The following ERICH5 variants were observed in gnomAD, a reference collection of about 807,000 sequenced individuals.
ERICH5 encodes the protein glutamate rich 5, also known as glutamate-rich protein 5.
Under a neutral mutation model 28.0 loss-of-function variants are expected in ERICH5, and 24 were observed. The ratio of observed to expected loss-of-function variants is 0.86; its 90% CI spans 0.62 to 1.21. The LOEUF (loss-of-function observed/expected upper bound fraction) is 1.21. ERICH5 is among the 50% of genes most tolerant of loss of function. ERICH5 has a pLI of 0.00. For missense variants in ERICH5, 421 were observed against 441.2 expected (o/e 0.95, Z 0.41); for synonymous variants, 163 against 157.6 (o/e 1.03, Z -0.25).
At chr8:98,091,900 C>CTTTCTTTCTTTCTTTCCTTT in intron 2 of ERICH5, among the ~76,000 whole-genome samples, 72 of 74,688 alleles carry the variant, frequency 9.6e-4, no homozygotes, top group Non-Finnish European at 1.5e-3. Context: ...TTCTTTCTTT[C>CTTTCTTTCTTTCTTTCCTTT]CTTTCTTTCT....
chr8:98,085,663 T>C (rs2130528999), intron 1 of ERICH5, among the ~76,000 whole-genome samples: 1 of 152,292 alleles, frequency 6.6e-6, no homozygotes, highest in East Asian at 1.9e-4. Flanking sequence ...TTAAAAAAAG[T>C]CCTGCTAGAA....
chr8:98,090,320 T>C (rs1261129867), intron 2 of ERICH5, among the ~76,000 whole-genome samples: 3 of 152,226 alleles, frequency 2.0e-5, no homozygotes, highest in Non-Finnish European at 2.9e-5. Context: ...TTTTTCCAAG[T>C]TGACACTTCA....
At chr8:98,074,844 T>C (rs552058012) in intron 1 of ERICH5, among the ~76,000 whole-genome samples, 1 of 152,294 alleles carries the variant, frequency 6.6e-6, no homozygotes, top group Admixed American at 6.5e-5. Context: ...CTAAAGTCCA[T>C]GCTTTAGTCA....
Position 98,071,745 on chromosome 8 carries a change from G to T in ERICH5, c.58+7018G>T, listed in dbSNP as rs929987860. On this transcript the variant is annotated intron_variant, in intron 1 of 2. Coordinates refer to ENST00000318528, the MANE Select transcript of ERICH5 (RefSeq NM_173549.3). ...CAGAAGCTTCTTCACCCATCTCAGG[G>T]CTATTGCTGTTTTTCACAGTCCTTG... Among the ~76,000 whole-genome samples the T allele has an allele frequency of 5.5e-4, 83 of 152,064 alleles. 1 individual carries two copies. Among genetic ancestry groups the T allele is most frequent in the Middle Eastern group, 3.4e-3 (1 of 294 alleles).
intron 2 of ERICH5, among the ~76,000 whole-genome samples, chr8:98,091,958 T>C (rs1483207356): frequency 1.3e-4 from 9 of 69,560 alleles, no homozygotes; most frequent in African/African-American, 3.9e-4. Flanking sequence ...TCTTCTTTCT[T>C]TCTTTTTTCT....
At chr8:98,083,164 G>A (rs1330659060) in intron 1 of ERICH5, among the ~76,000 whole-genome samples, 1 of 152,084 alleles carries the variant, frequency 6.6e-6, no homozygotes, top group Non-Finnish European at 1.5e-5. Context: ...CTCATGATTG[G>A]CACAGGTGGA....
intron 1 of ERICH5, among the ~76,000 whole-genome samples, chr8:98,079,790 T>G (rs1482104531): frequency 2.0e-5 from 3 of 152,220 alleles, no homozygotes; most frequent in African/African-American, 7.2e-5. Context: ...TCCACCTGCC[T>G]TAGCCTCCCA....
chr8:98,079,007 A>T (rs1815115087), intron 1 of ERICH5, among the ~76,000 whole-genome samples: 1 of 152,132 alleles, frequency 6.6e-6, no homozygotes. Context: ...TATGGTGAGG[A>T]TTCACAAAAT....
intron 1 of ERICH5, among the ~76,000 whole-genome samples, chr8:98,068,593 G>A (rs1814858333): frequency 6.6e-6 from 1 of 152,148 alleles, no homozygotes; most frequent in African/African-American, 2.4e-5. Flanking sequence ...TGAACACAAA[G>A]GTTTTATTGA....
Position 98,089,466 on chromosome 8 carries a change from A to G in ERICH5, c.449A>G (p.Gln150Arg). 1 of 1,614,240 alleles carries G rather than the reference A, an allele frequency of 6.2e-7. No homozygotes were observed. Among genetic ancestry groups the G allele is most frequent in the Non-Finnish European group, 8.5e-7 (1 of 1,180,032 alleles). The change falls in exon 2 of 3, where the codon CAG becomes CGG. Residue 150 changes from glutamine (Q) to arginine (R), a missense_variant. Transcript: ENST00000318528. ...TCTCTAAAAGGAAATGCTGAAGCTC[A>G]GCCTTTAGGACCAGAAGCCAAGGGT... ...AESLKGNAEA[Q>R]PLGPEAKGQP...
chr8:98,071,091 C>T (rs986220266), intron 1 of ERICH5, among the ~76,000 whole-genome samples: 3 of 152,050 alleles, frequency 2.0e-5, no homozygotes, highest in Admixed American at 2.0e-4. Context: ...TGGTGAAACC[C>T]CGTCTCTACT....
At chr8:98,085,136 CTTTTTTTTTTTTTTTTTTTTTTTTTTT>C (rs760470751) in intron 1 of ERICH5, among the ~76,000 whole-genome samples, 14 of 57,318 alleles carry the variant, frequency 2.4e-4, no homozygotes, top group East Asian at 5.6e-4. Flanking sequence ...GTTCCACAGC[CTTTTTTTTTTTTTTTTTTTTTTTTTTT>C]TTTTTTTTTT....
intron 2 of ERICH5, among the ~76,000 whole-genome samples, chr8:98,090,599 A>AG (rs1192186264): frequency 6.7e-6 from 1 of 150,060 alleles, no homozygotes; most frequent in Admixed American, 6.6e-5. Flanking sequence ...CTTGTTCTCC[A>AG]GAAAAAAAAA....
chr8:98,091,834 CTTTTTCTTTCTT>C (rs1563759366), intron 2 of ERICH5, among the ~76,000 whole-genome samples: 30 of 134,784 alleles, frequency 2.2e-4, no homozygotes, highest in Non-Finnish European at 2.3e-4. Context: ...CTTTCTTTTT[CTTTTTCTTTCTT>C]TCTTTCTTTC....
At chr8:98,073,486 G>GTA (rs1474561796) in intron 1 of ERICH5, among the ~76,000 whole-genome samples, 10 of 3,948 alleles carry the variant, frequency 2.5e-3, no homozygotes, top group Non-Finnish European at 3.1e-3. Context: ...ATATATATAT[G>GTA]TATATATATA....
chr8:98,081,001 C>G (rs1184572535), intron 1 of ERICH5, among the ~76,000 whole-genome samples: 3 of 151,900 alleles, frequency 2.0e-5, no homozygotes, highest in Non-Finnish European at 4.4e-5. Context: ...CTGTGCCCAG[C>G]CTAATCTTTC....
intron 1 of ERICH5, among the ~76,000 whole-genome samples, chr8:98,088,467 G>GC (rs1563758122): frequency 6.6e-6 from 1 of 152,072 alleles, no homozygotes; most frequent in African/African-American, 2.4e-5. Context: ...TTCCCACTGT[G>GC]CCCCCCAAAT....
intron 1 of ERICH5, among the ~76,000 whole-genome samples, chr8:98,079,832 C>T (rs1809171): frequency 0.28 from 41,983 of 151,982 alleles, 5,960 homozygotes; most frequent in Non-Finnish European, 0.31. Flanking sequence ...AGCTACCGTG[C>T]CCGGCCTACT....
intron 2 of ERICH5, among the ~76,000 whole-genome samples, chr8:98,091,018 A>G (rs1815374065): frequency 6.6e-6 from 1 of 151,754 alleles, no homozygotes; most frequent in African/African-American, 2.4e-5. Flanking sequence ...GCTCACTGCA[A>G]CCTCCACCTT....
Sources: allele counts gnomAD v4.1 joint callset (sites outside exome capture counted in the v4.1 genomes callset), GRCh38; gene constraint gnomAD v4.1.1; transcripts MANE v1.5; gene names NCBI Gene and HGNC (gene_info 2026-07-23, HGNC 2026-07-21).